Variants in CACNA2D3 observed in about 807,000 individuals in gnomAD.
The protein encoded by CACNA2D3 is voltage-dependent calcium channel subunit alpha-2/delta-3.
Under a neutral mutation model 160.6 loss-of-function variants are expected in CACNA2D3, and 60 were observed. That is an observed-to-expected ratio of 0.37 (90% confidence interval 0.30 to 0.46). The LOEUF is 0.46. CACNA2D3 is among the 20% of genes least tolerant of loss of function. The probability of loss-of-function intolerance (pLI) is 1.00; values close to 1 mark genes in which losing one functional copy is unlikely to be tolerated. For synonymous variants in CACNA2D3, 558 were observed against 492.9 expected, an observed-to-expected ratio of 1.13 and a Z score of -1.75; for missense variants, 1,205 against 1,365.0, an observed-to-expected ratio of 0.88 and a Z score of 1.85.
intron 14 of CACNA2D3, among the ~76,000 whole-genome samples, chr3:54,821,729 C>G (rs1473458341): frequency 2.1e-5 from 3 of 142,592 alleles, no homozygotes; most frequent in African/African-American, 5.1e-5. Context: ...CTCTCTCTCT[C>G]TCTCTCTTTC....
chr3:54,204,600 G>T (rs746011650), intron 2 of CACNA2D3, among the ~76,000 whole-genome samples: 135 of 152,196 alleles, frequency 8.9e-4, no homozygotes, highest in Non-Finnish European at 1.7e-3. Context: ...TTCAAGACCA[G>T]CCTGGCTAAC....
intron 2 of CACNA2D3, among the ~76,000 whole-genome samples, chr3:54,138,670 G>A (rs1699863954): frequency 1.3e-5 from 2 of 152,164 alleles, no homozygotes; most frequent in Non-Finnish European, 2.9e-5. Flanking sequence ...TTGAGTGTAT[G>A]AGGATATCGT....
intron 13 of CACNA2D3, among the ~76,000 whole-genome samples, chr3:54,782,969 G>A (rs1385620966): frequency 6.6e-6 from 1 of 152,164 alleles, no homozygotes; most frequent in African/African-American, 2.4e-5. Context: ...ACGAGCTTTT[G>A]CATGTGTCAG....
chr3:54,509,953 C>A (rs768841758), intron 5 of CACNA2D3, among the ~76,000 whole-genome samples: 4 of 152,138 alleles, frequency 2.6e-5, no homozygotes, highest in Non-Finnish European at 5.9e-5. Context: ...AGGTTTGTGT[C>A]TGTATTTTCT....
chr3:54,486,130 C>T (rs80156724), intron 4 of CACNA2D3, among the ~76,000 whole-genome samples: 3,687 of 152,232 alleles, frequency 0.024, 135 homozygotes, highest in African/African-American at 0.083. Flanking sequence ...GAAAGCCAGA[C>T]TGTAAAGAGG....
chr3:54,698,361 A>G (rs1424458534), intron 11 of CACNA2D3, among the ~76,000 whole-genome samples: 1 of 152,196 alleles, frequency 6.6e-6, no homozygotes, highest in Non-Finnish European at 1.5e-5. Context: ...AACTTTTTCA[A>G]AAGAGCTGGC....
At chr3:54,236,934 T>C (rs1246212979) in intron 2 of CACNA2D3, among the ~76,000 whole-genome samples, 1 of 152,090 alleles carries the variant, frequency 6.6e-6, no homozygotes, top group Non-Finnish European at 1.5e-5. Context: ...ATAATATCTG[T>C]AGCGCACTCA....
intron 2 of CACNA2D3, among the ~76,000 whole-genome samples, chr3:54,316,726 G>A (rs1040087093): frequency 6.6e-6 from 1 of 152,180 alleles, no homozygotes; most frequent in Admixed American, 6.5e-5. Context: ...AAAGCCAGGG[G>A]CTTCTGTTCA....
intron 4 of CACNA2D3, among the ~76,000 whole-genome samples, chr3:54,436,239 C>T (rs1009186223): frequency 3.9e-5 from 6 of 152,308 alleles, no homozygotes; most frequent in South Asian, 2.1e-4. Flanking sequence ...TAACATCTCA[C>T]GCCAGTTAGA....
At chr3:54,798,181 T>C (rs1702907194) in intron 13 of CACNA2D3, among the ~76,000 whole-genome samples, 1 of 152,230 alleles carries the variant, frequency 6.6e-6, no homozygotes, top group Non-Finnish European at 1.5e-5. Context: ...TCATTATGGC[T>C]ACCAAGAATG....
At chr3:54,348,568 C>A (rs995548714) in intron 3 of CACNA2D3, among the ~76,000 whole-genome samples, 1 of 152,224 alleles carries the variant, frequency 6.6e-6, no homozygotes, top group African/African-American at 2.4e-5. Flanking sequence ...TCAGGACTCT[C>A]TTGTTCGCAG....
At chr3:54,736,081 ATG>A (rs372191909) in intron 11 of CACNA2D3, among the ~76,000 whole-genome samples, 1,939 of 26,244 alleles carry the variant, frequency 0.074, 205 homozygotes, top group Non-Finnish European at 0.12. Context: ...ATACATATAT[ATG>A]TATGTGTATA....
chr3:54,351,724 C>T (rs777446062), intron 3 of CACNA2D3, among the ~76,000 whole-genome samples: 49 of 152,340 alleles, frequency 3.2e-4, no homozygotes, highest in Non-Finnish European at 5.6e-4. Flanking sequence ...TCTCTGCCTA[C>T]CACCCTATAT....
At chr3:54,170,666 A>G (rs1038228429) in intron 2 of CACNA2D3, among the ~76,000 whole-genome samples, 9 of 151,980 alleles carry the variant, frequency 5.9e-5, no homozygotes, top group African/African-American at 1.7e-4. Context: ...CAGTTCAGCA[A>G]TATCAGCCAA....
At chr3:54,929,093 C>T (rs1242007748) in intron 27 of CACNA2D3, among the ~76,000 whole-genome samples, 1 of 152,096 alleles carries the variant, frequency 6.6e-6, no homozygotes, top group Non-Finnish European at 1.5e-5. Flanking sequence ...ATAATTGAGC[C>T]ATTGGGTTTG....
At chr3:55,036,618 C>T (rs915694790) in intron 35 of CACNA2D3, among the ~76,000 whole-genome samples, 1 of 151,720 alleles carries the variant, frequency 6.6e-6, no homozygotes, top group African/African-American at 2.4e-5. Context: ...CAGGCGTGTG[C>T]CACCACGCCC....
chr3:54,589,017 G>A (rs1702812265), intron 9 of CACNA2D3, among the ~76,000 whole-genome samples: 2 of 152,004 alleles, frequency 1.3e-5, no homozygotes, highest in Non-Finnish European at 2.9e-5. Flanking sequence ...CAAGATTTGT[G>A]TAGAGTATTC....
At chr3:54,832,101 C>CCT (rs1703894370) in intron 14 of CACNA2D3, among the ~76,000 whole-genome samples, 2 of 150,816 alleles carry the variant, frequency 1.3e-5, no homozygotes, top group Non-Finnish European at 2.9e-5. Flanking sequence ...AGTCTCATCG[C>CCT]CTCTCTGTGG....
At chr3:54,647,414 T>G (rs1699672481) in intron 11 of CACNA2D3, among the ~76,000 whole-genome samples, 1 of 152,162 alleles carries the variant, frequency 6.6e-6, no homozygotes, top group African/African-American at 2.4e-5. Context: ...ATTCTATGGG[T>G]TAACTAGGTG....
Sources: gnomAD v4.1 joint callset for allele counts (sites outside exome capture counted in the v4.1 genomes callset) on GRCh38, gnomAD v4.1.1 for gene constraint, MANE v1.5 for transcripts, NCBI Gene and HGNC (gene_info 2026-07-23, HGNC 2026-07-21) for gene names.